Variants in BCAS3 observed in about 807,000 individuals in gnomAD.
The protein encoded by BCAS3 is BCAS3 microtubule associated cell migration factor, also known as BCAS4/BCAS3 fusion.
Under a neutral mutation model 116.1 loss-of-function variants are expected in BCAS3, and 53 were observed. That is an observed-to-expected ratio of 0.46 (90% CI 0.37 to 0.57). The LOEUF (loss-of-function observed/expected upper bound fraction) is 0.57. Among genes scored for constraint, BCAS3 ranks in the 20% least tolerant of loss-of-function variants. The pLI, the probability that BCAS3 is intolerant of heterozygous loss-of-function variation, is 0.00. For synonymous variants in BCAS3, 391 were observed against 408.2 expected, an observed-to-expected ratio of 0.96 and a Z score of 0.51; for missense variants, 917 against 1,165.4, an observed-to-expected ratio of 0.79 and a Z score of 3.10.
rs142341044 is a variant in BCAS3, at chr17:60,680,305, G to A, written c.83+765G>A. 4.9e-3 allele frequency among the ~76,000 whole-genome samples: 749 copies of A among 152,146 alleles called. 5 individuals carry two copies. Among genetic ancestry groups the A allele is most frequent in the Non-Finnish European group, 8.8e-3 (597 of 68,000 alleles). Reference sequence around the variant, plus strand: ...TCTCTTTTAACTTTTAAGTTCAAGGGTACATGTGCAGGTTTGTTATATAGG... The same window carrying A: ...TCTCTTTTAACTTTTAAGTTCAAGGATACATGTGCAGGTTTGTTATATAGG... On this transcript the variant is annotated intron_variant, in intron 2 of 23. Transcript: ENST00000407086.
chr17:61,286,838 T>C lies in BCAS3; in HGVS notation c.2426-81489T>C, dbSNP rs546341845. On this transcript the variant is annotated intron_variant, in intron 22 of 23. Transcript: ENST00000407086. This position sits in a 1 kb window ranked among gnomAD's most constrained non-coding sequence, Gnocchi z 4.8. ...GGGTGAGGAAAGACAGAGAATGCTT[T>C]CTAGGACCTTTATACTGCATTCATT... is the stretch of plus-strand genomic sequence containing the variant. 1.3e-5 allele frequency among the ~76,000 whole-genome samples: 2 copies of C among 152,288 alleles called. No homozygotes were observed. Among genetic ancestry groups the C allele is most frequent in the South Asian group, 2.1e-4 (1 of 4,824 alleles).
At chr17:60,703,024 C>G (rs1409519391) in intron 4 of BCAS3, among the ~76,000 whole-genome samples, 1 of 151,920 alleles carries the variant, frequency 6.6e-6, no homozygotes, top group Non-Finnish European at 1.5e-5. Flanking sequence ...GCTGTAATCC[C>G]AGCACTTTGG....
At chr17:61,018,715 A>G (rs757555499) in intron 16 of BCAS3, among the ~76,000 whole-genome samples, 1 of 152,110 alleles carries the variant, frequency 6.6e-6, no homozygotes, top group Non-Finnish European at 1.5e-5. Flanking sequence ...ATACACTAAC[A>G]TGTTACGTTT....
intron 22 of BCAS3, among the ~76,000 whole-genome samples, chr17:61,299,442 CAAAAAAAA>C (rs538072648): frequency 3.7e-4 from 21 of 57,168 alleles, no homozygotes; most frequent in African/African-American, 1.2e-3. Flanking sequence ...GACTCCATCT[CAAAAAAAA>C]AAAAAAAAAA....
Position 61,249,312 on chromosome 17 carries a change from A to C in BCAS3, c.2426-119015A>C, listed in dbSNP as rs2048197687. 6.6e-6 allele frequency among the ~76,000 whole-genome samples: 1 copy of C among 152,210 alleles called. No homozygotes were observed. The highest frequency in any genetic ancestry group is 1.5e-5 in the Non-Finnish European group (1 of 68,044). On this transcript the variant is annotated intron_variant, in intron 22 of 23. Coordinates refer to ENST00000407086, the MANE Select transcript of BCAS3 (RefSeq NM_017679.5). This position sits in a 1 kb window ranked among gnomAD's most constrained non-coding sequence, Gnocchi z 6.2. ...CAAAAATAAATAAATAAAATAAAAT[A>C]GAAACTTGAAAATAATACCAGCACT...
At chr17:61,054,476 C>T (rs1436807942) in intron 19 of BCAS3, among the ~76,000 whole-genome samples, 4 of 152,294 alleles carry the variant, frequency 2.6e-5, no homozygotes, top group South Asian at 2.1e-4. Flanking sequence ...AGGTGATTCT[C>T]GTGCCTCAGC....
chr17:61,277,830 AAGAT>A (rs2050899880), intron 22 of BCAS3, among the ~76,000 whole-genome samples: 1 of 152,200 alleles, frequency 6.6e-6, no homozygotes, highest in South Asian at 2.1e-4. Flanking sequence ...TATGATCAAA[AAGAT>A]AGATAATAAC....
chr17:60,973,459 A>G (rs927388079), intron 14 of BCAS3, among the ~76,000 whole-genome samples: 10 of 152,062 alleles, frequency 6.6e-5, no homozygotes, highest in African/African-American at 2.2e-4. Flanking sequence ...AGTTAAATCT[A>G]TATAATCATC....
intron 5 of BCAS3, chr17:60,727,620 A>C: frequency 1.8e-6 from 1 of 563,218 alleles, no homozygotes; most frequent in Non-Finnish European, 3.0e-6. Flanking sequence ...TCACGGCAAA[A>C]CTGAGTAGAA....
chr17:60,793,381 C>T (rs2046943537), intron 6 of BCAS3, among the ~76,000 whole-genome samples: 1 of 152,168 alleles, frequency 6.6e-6, no homozygotes, highest in African/African-American at 2.4e-5. Flanking sequence ...AGGTGTGAGC[C>T]ACCGTGCCTG....
intron 7 of BCAS3, chr17:60,811,520 T>TA (rs548812040): frequency 0.03 from 8,735 of 291,706 alleles, 13 homozygotes; most frequent in South Asian, 0.05. Flanking sequence ...AGTTCAGAGG[T>TA]AAAAAAAAAA....
At chr17:60,799,908 A>G (rs2047614849) in intron 6 of BCAS3, among the ~76,000 whole-genome samples, 1 of 151,404 alleles carries the variant, frequency 6.6e-6, no homozygotes. Context: ...GGTATATCCA[A>G]GTTGTTTAGT....
In BCAS3 at chr17:60,974,379, A is replaced by G. The variant is rs184098450; in HGVS notation, c.1222-15592A>G. Among the ~76,000 whole-genome samples the G allele has an allele frequency of 3.9e-5, 6 of 152,340 alleles. No homozygotes were observed. The East Asian group carries it at 9.6e-4, about 24-fold the overall frequency. On this transcript the variant is annotated intron_variant, in intron 14 of 23. Coordinates refer to ENST00000407086, the MANE Select transcript of BCAS3 (RefSeq NM_017679.5). The stretch of plus-strand genomic sequence containing the variant: ...GAATTAATTTTTTTAAGTTTTGATA[A>G]AATGTTGAACATAGATGAAAACACT...
chr17:60,847,988 A>G (rs1261529716), intron 7 of BCAS3, among the ~76,000 whole-genome samples: 14 of 152,188 alleles, frequency 9.2e-5, no homozygotes. Flanking sequence ...AACTATTTTG[A>G]GTTGGGGGCT....
Position 61,121,719 on chromosome 17 carries a change from A to G in BCAS3, c.2425+37155A>G, listed in dbSNP as rs980089253. Among the ~76,000 whole-genome samples, 5 of 152,222 alleles carry G rather than the reference A, an allele frequency of 3.3e-5. No individual in the cohort carries two copies. The East Asian group carries it at 9.6e-4, about 29-fold the overall frequency. On this transcript the variant is annotated intron_variant, in intron 22 of 23. Coordinates refer to ENST00000407086, the MANE Select transcript of BCAS3 (RefSeq NM_017679.5). ...TGAGCCTGTGTTATTATAAGGCTCA[A>G]AAACATCTATTTTATATGTGTGTGT...
Position 61,151,960 on chromosome 17 carries a change from TTC to T in BCAS3, c.2425+67400_2425+67401del, listed in dbSNP as rs768053157. On this transcript the variant is annotated intron_variant, in intron 22 of 23. Transcript: ENST00000407086. The surrounding 1 kb of genome is among the most constrained non-coding windows in gnomAD (Gnocchi z 4.8). ...TGACACAGTACCGGAAGGGCAAGGA[TTC>T]TCTGTGTGCCCAGGGAAAGTGGTTT... 2.6e-5 allele frequency among the ~76,000 whole-genome samples: 4 copies of T among 152,170 alleles called. No homozygotes were observed. Among genetic ancestry groups the T allele is most frequent in the Non-Finnish European group, 5.9e-5 (4 of 68,036 alleles).
At chr17:60,704,666 C>T (rs2036873960) in intron 4 of BCAS3, among the ~76,000 whole-genome samples, 1 of 151,796 alleles carries the variant, frequency 6.6e-6, no homozygotes, top group Admixed American at 6.6e-5. Flanking sequence ...CATGGTGATA[C>T]CCCATCTCTA....
At chr17:61,283,399 A>G (rs2051415233) in intron 22 of BCAS3, among the ~76,000 whole-genome samples, 1 of 152,286 alleles carries the variant, frequency 6.6e-6, no homozygotes, top group South Asian at 2.1e-4. Context: ...TGATGAAGGG[A>G]AGACCAAGTG....
chr17:61,007,651 T>C lies in BCAS3; in HGVS notation c.1487-8100T>C, dbSNP rs1464442636. On this transcript the variant is annotated intron_variant, in intron 15 of 23. Transcript: ENST00000407086. The surrounding 1 kb of genome is among the most constrained non-coding windows in gnomAD (Gnocchi z 4.3). ...GCAAAGCTCCATGCAGGCTACTTTG[T>C]ATGTAGTGGGGAGAAGTGATGACAC... Among the ~76,000 whole-genome samples, 1 of 151,854 alleles carries C rather than the reference T, an allele frequency of 6.6e-6. No homozygotes were observed. Among genetic ancestry groups the C allele is most frequent in the African/African-American group, 2.4e-5 (1 of 41,332 alleles).
Sources: allele counts gnomAD v4.1 joint callset (sites outside exome capture counted in the v4.1 genomes callset), GRCh38; gene constraint gnomAD v4.1.1; non-coding constraint Gnocchi (gnomAD v3.1); transcripts MANE v1.5; gene names NCBI Gene and HGNC (gene_info 2026-07-23, HGNC 2026-07-21).